Variants in TSPEAR observed in about 807,000 individuals in gnomAD.
TSPEAR encodes the protein thrombospondin-type laminin G domain and EAR repeat-containing protein.
A neutral mutation model predicts 71.6 loss-of-function variants in TSPEAR; 69 were observed. The observed-to-expected ratio is 0.96, with a 90% CI of 0.79 to 1.18. The LOEUF (loss-of-function observed/expected upper bound fraction) is 1.18, where lower values mean the gene tolerates loss of function less well. Ranked by LOEUF, TSPEAR falls within the 50% of genes most tolerant of loss-of-function variation. The probability of loss-of-function intolerance (pLI) is 0.00; values close to 1 mark genes in which losing one functional copy is unlikely to be tolerated. For synonymous variants in TSPEAR, 402 were observed against 387.2 expected (o/e 1.04, Z -0.45); for missense variants, 971 against 894.9 (o/e 1.09, Z -1.09).
At chr21:44,682,255 T>C (rs1216169204) in intron 1 of TSPEAR, 2 of 1,087,806 alleles carry the variant, frequency 1.8e-6, no homozygotes, top group Non-Finnish European at 2.6e-6. Context: ...TTCCTTGTTT[T>C]TCTTCCTCAA....
chr21:44,601,874 C>A (rs1980957402), intron 1 of TSPEAR: 6 of 1,176,682 alleles, frequency 5.1e-6, no homozygotes, highest in Non-Finnish European at 7.1e-6. Context: ...CCAGTGTGCG[C>A]TTCTCCTCCT....
At chr21:44,588,001 A>C (rs1263773468) in intron 1 of TSPEAR, among the ~76,000 whole-genome samples, 1 of 152,254 alleles carries the variant, frequency 6.6e-6, no homozygotes, top group Non-Finnish European at 1.5e-5. Context: ...AAGCAAATGC[A>C]ATAAAAACAG....
At chr21:44,511,232 G>C (rs1265857443) in intron 9 of TSPEAR, among the ~76,000 whole-genome samples, 1 of 151,968 alleles carries the variant, frequency 6.6e-6, no homozygotes, top group Non-Finnish European at 1.5e-5. Flanking sequence ...GCACACACCT[G>C]CACACACAGG....
chr21:44,640,179 A>G (rs1983944907), intron 1 of TSPEAR, among the ~76,000 whole-genome samples: 1 of 152,214 alleles, frequency 6.6e-6, no homozygotes, highest in Non-Finnish European at 1.5e-5. Flanking sequence ...CAGCCTATCC[A>G]CACAAGCAAA....
At chr21:44,551,726 G>A (rs587684755) in intron 2 of TSPEAR, among the ~76,000 whole-genome samples, 4 of 152,100 alleles carry the variant, frequency 2.6e-5, no homozygotes, top group Admixed American at 6.5e-5. Flanking sequence ...CAGGACCGGC[G>A]CCCCTGGCTG....
intron 1 of TSPEAR, among the ~76,000 whole-genome samples, chr21:44,583,391 C>T (rs1409662404): frequency 6.6e-6 from 1 of 152,242 alleles, no homozygotes; most frequent in African/African-American, 2.4e-5. Context: ...TCTGGAGACG[C>T]GATGACAGCA....
intron 1 of TSPEAR, among the ~76,000 whole-genome samples, chr21:44,651,202 G>A (rs960002933): frequency 6.6e-6 from 1 of 152,164 alleles, no homozygotes; most frequent in Non-Finnish European, 1.5e-5. Context: ...GAGAGTGACA[G>A]CCCAGTCACC....
chr21:44,523,462 A>G (rs910478272), intron 8 of TSPEAR, among the ~76,000 whole-genome samples: 1 of 150,300 alleles, frequency 6.7e-6, no homozygotes, highest in African/African-American at 2.5e-5. Flanking sequence ...TAATAAGGTA[A>G]TCAGTCAGTC....
intron 10 of TSPEAR, among the ~76,000 whole-genome samples, chr21:44,507,468 T>A (rs1296392927): frequency 6.6e-6 from 1 of 152,168 alleles, no homozygotes; most frequent in East Asian, 1.9e-4. Context: ...GTAGAAGGGC[T>A]AGGAGTTTGA....
rs781894255 is a variant in TSPEAR, at chr21:44,638,081, C to A, written c.83-70076G>T. The A allele has an allele frequency of 1.9e-6, 3 of 1,613,634 alleles. No homozygotes were observed. In the South Asian group the frequency reaches 3.3e-5, roughly 18 times the overall value. The stretch of plus-strand genomic sequence containing the variant: ...CTCCTCCTGCCAGCCCAGCTGCTGC[C>A]GCACGGCCTCCTGTGTTTCCCTCCT... On this transcript the variant is annotated intron_variant, in intron 1 of 11. Transcript: ENST00000323084.
chr21:44,705,449 A>G (rs558824827), intron 1 of TSPEAR, among the ~76,000 whole-genome samples: 43 of 152,388 alleles, frequency 2.8e-4, no homozygotes, highest in African/African-American at 9.9e-4. Context: ...AGCCAGGAAG[A>G]ACAGAGCCAT....
intron 1 of TSPEAR, among the ~76,000 whole-genome samples, chr21:44,610,169 G>C (rs1429655495): frequency 3.3e-5 from 5 of 152,226 alleles, no homozygotes; most frequent in Non-Finnish European, 7.3e-5. Flanking sequence ...CCATTTTCTA[G>C]GGAGAAATTC....
At chr21:44,703,347 G>T (rs1987749333) in intron 1 of TSPEAR, among the ~76,000 whole-genome samples, 1 of 152,258 alleles carries the variant, frequency 6.6e-6, no homozygotes, top group South Asian at 2.1e-4. Flanking sequence ...GGGTGACCCT[G>T]CTGCAAATCC....
At chr21:44,586,099 C>T (rs782394515) in intron 1 of TSPEAR, among the ~76,000 whole-genome samples, 17 of 152,256 alleles carry the variant, frequency 1.1e-4, no homozygotes, top group African/African-American at 4.1e-4. Context: ...TGGGCCACCC[C>T]TGGCCTGCCT....
intron 6 of TSPEAR, among the ~76,000 whole-genome samples, chr21:44,527,845 A>G (rs1190900609): frequency 6.6e-6 from 1 of 152,220 alleles, no homozygotes; most frequent in East Asian, 1.9e-4. Flanking sequence ...TGCTGGGCGG[A>G]ACCCATGCCC....
At chr21:44,536,661 A>G (rs781946088) in intron 2 of TSPEAR, among the ~76,000 whole-genome samples, 4 of 152,244 alleles carry the variant, frequency 2.6e-5, no homozygotes, top group Non-Finnish European at 1.5e-5. Flanking sequence ...TTTATTCAGC[A>G]TCATCCTGGG....
chr21:44,600,879 G>A (rs782018742), intron 1 of TSPEAR: 91 of 1,610,980 alleles, frequency 5.6e-5, no homozygotes, highest in East Asian at 8.9e-5. Context: ...GCTCCTGCAC[G>A]CCCTCGTGCT....
chr21:44,521,991 G>A lies in TSPEAR; in HGVS notation c.1458C>T (p.Pro486=). ...AYDWEFFSVG[P]YSFLVVANTF... ...TGTTGGCCACCACCAGGAACGAGTA[G>A]GGCCCCACACTGAAGAACTCCCAGT... The change falls in exon 9 of 12, where the codon CCC becomes CCT. Residue 486 remains proline, a synonymous_variant. Coordinates refer to ENST00000323084, the MANE Select transcript of TSPEAR (RefSeq NM_144991.3). 3 of 1,614,186 alleles carry A rather than the reference G, an allele frequency of 1.9e-6. No individual in the cohort carries two copies. The South Asian group carries it at 3.3e-5, about 18-fold the overall frequency.
chr21:44,587,813 G>T (rs1361309023), intron 1 of TSPEAR, among the ~76,000 whole-genome samples: 3 of 152,164 alleles, frequency 2.0e-5, no homozygotes, highest in Non-Finnish European at 4.4e-5. Context: ...GGGATAATTG[G>T]CAAGCCACAT....
Sources: gnomAD v4.1 joint callset for allele counts (sites outside exome capture counted in the v4.1 genomes callset) on GRCh38, gnomAD v4.1.1 for gene constraint, MANE v1.5 for transcripts, NCBI Gene and HGNC (gene_info 2026-07-23, HGNC 2026-07-21) for gene names.